Variants in CPVL observed in about 807,000 individuals in gnomAD.
The protein encoded by CPVL is carboxypeptidase vitellogenic like.
In CPVL, 51 loss-of-function variants were observed where a neutral mutation model predicts 63.7. That is an observed-to-expected ratio of 0.80 (90% CI 0.64 to 1.01). CPVL has a LOEUF of 1.01. CPVL is among the 50% of genes least tolerant of loss of function. The probability of loss-of-function intolerance (pLI) is 0.00; values close to 1 mark genes in which losing one functional copy is unlikely to be tolerated. For missense variants in CPVL, 530 were observed against 573.1 expected, an observed-to-expected ratio of 0.92 and a Z score of 0.77; for synonymous variants, 195 against 206.0, an observed-to-expected ratio of 0.95 and a Z score of 0.46.
intron 1 of CPVL, among the ~76,000 whole-genome samples, chr7:29,131,157 T>C (rs997576497): frequency 2.0e-5 from 3 of 151,540 alleles, no homozygotes; most frequent in African/African-American, 4.9e-5. Flanking sequence ...GGCAACAGAG[T>C]GAGACTCCGT....
chr7:29,048,835 C>G (rs931412068), intron 11 of CPVL, among the ~76,000 whole-genome samples: 9 of 152,070 alleles, frequency 5.9e-5, no homozygotes, highest in African/African-American at 2.2e-4. Context: ...TCTCTCAGAC[C>G]ACAGTGGGAT....
intron 12 of CPVL, among the ~76,000 whole-genome samples, chr7:29,014,983 A>G (rs185292700): frequency 6.6e-6 from 1 of 152,232 alleles, no homozygotes; most frequent in Non-Finnish European, 1.5e-5. Context: ...TCTGTGGACT[A>G]TCTGTGAAAA....
At chr7:29,002,220 A>C (rs1691234638) in intron 12 of CPVL, among the ~76,000 whole-genome samples, 1 of 152,174 alleles carries the variant, frequency 6.6e-6, no homozygotes, top group Admixed American at 6.6e-5. Flanking sequence ...AACAACAAAA[A>C]ATTGGAGTTG....
upstream of CPVL, among the ~76,000 whole-genome samples, chr7:29,150,985 GA>G (rs1246636364): frequency 6.6e-6 from 1 of 152,206 alleles, no homozygotes. Context: ...TCCAGCTGAA[GA>G]AAGTCTACAG....
chr7:29,095,811 T>A (rs1468404321), intron 4 of CPVL, among the ~76,000 whole-genome samples: 1 of 152,142 alleles, frequency 6.6e-6, no homozygotes, highest in Non-Finnish European at 1.5e-5. Context: ...CTGTCCCAAA[T>A]AGTAATAAAT....
intron 11 of CPVL, among the ~76,000 whole-genome samples, chr7:29,054,441 G>T (rs553761254): frequency 2.0e-5 from 3 of 152,142 alleles, no homozygotes; most frequent in Non-Finnish European, 4.4e-5. Context: ...GCACTTTGAA[G>T]ATATTATGCC....
At chr7:29,052,440 C>CAA (rs57693166) in intron 11 of CPVL, among the ~76,000 whole-genome samples, 1 of 118,230 alleles carries the variant, frequency 8.5e-6, no homozygotes, top group Non-Finnish European at 1.8e-5. Flanking sequence ...GATTCAGTTC[C>CAA]AAAAAAAAAA....
intron 11 of CPVL, 139 bp downstream of exon 11, chr7:29,063,922 A>G (rs1782890492): frequency 1.6e-6 from 1 of 615,872 alleles, no homozygotes; most frequent in Non-Finnish European, 2.8e-6. Context: ...GGAATCAAAC[A>G]AAGAAAGGGG....
rs1444374312 is a variant in CPVL, at chr7:29,072,090, AAC to A, written c.733-188_733-187del. Among the ~76,000 whole-genome samples, 7 of 152,200 alleles carry A rather than the reference AAC, an allele frequency of 4.6e-5. No homozygotes were observed. The East Asian group carries it at 7.7e-4, about 17-fold the overall frequency. On this transcript the variant is annotated intron_variant, in intron 8 of 12. Transcript: ENST00000265394. ...ACACAACAGAACACAACACAATACA[AAC>A]ACACACACATTTGCACTGACAGCCA...
intron 3 of CPVL, among the ~76,000 whole-genome samples, chr7:29,098,499 C>A (rs1786693238): frequency 6.6e-6 from 1 of 152,200 alleles, no homozygotes; most frequent in African/African-American, 2.4e-5. Context: ...GCCCTTCGAA[C>A]AATGCCTAAT....
chr7:29,021,270 CAT>C (rs1786943487), intron 12 of CPVL, among the ~76,000 whole-genome samples: 1 of 151,934 alleles, frequency 6.6e-6, no homozygotes, highest in South Asian at 2.1e-4. Flanking sequence ...AAAACTGACA[CAT>C]GAAGAAACAG....
rs144771012 is a variant in CPVL at position 29,137,144 on chromosome 7, A to G, written c.-11+9285T>C. Among the ~76,000 whole-genome samples, 410 of 152,244 alleles carry G rather than the reference A, an allele frequency of 2.7e-3. 1 individual carries two copies. Among genetic ancestry groups the G allele is most frequent in the Middle Eastern group, 0.017 (5 of 294 alleles). ...GGTGGCATCACTGTCTGGGGTAAATACCTGGGGTTCGCCATCTCATGCCAA... is the reference window on the plus strand; with the variant it reads ...GGTGGCATCACTGTCTGGGGTAAATGCCTGGGGTTCGCCATCTCATGCCAA... On this transcript the variant is annotated intron_variant, in intron 1 of 12. Transcript: ENST00000265394.
chr7:29,113,023 T>C, intron 2 of CPVL: 1 of 486,368 alleles, frequency 2.1e-6, no homozygotes, highest in South Asian at 3.8e-5. Context: ...GCCAAGGATA[T>C]GTGAAAGTTT....
At chr7:29,170,644 C>T (rs1796475631) in intron 5 of CPVL, among the ~76,000 whole-genome samples, 1 of 152,182 alleles carries the variant, frequency 6.6e-6, no homozygotes, top group Non-Finnish European at 1.5e-5. Context: ...TTCTGTGTGA[C>T]TTTCTGTAAT....
chr7:29,121,578 G>A (rs565687119), intron 1 of CPVL, among the ~76,000 whole-genome samples: 3 of 152,284 alleles, frequency 2.0e-5, no homozygotes, highest in Non-Finnish European at 2.9e-5. Flanking sequence ...CACCACAGAA[G>A]GGCAGAGGAT....
intron 1 of CPVL, among the ~76,000 whole-genome samples, chr7:29,131,409 T>C (rs560856010): frequency 6.6e-6 from 1 of 152,248 alleles, no homozygotes; most frequent in African/African-American, 2.4e-5. Context: ...TCTAAAAGAG[T>C]GACTACTATT....
chr7:29,157,421 GAGAAAT>G (rs1794548147), intron 5 of CPVL, among the ~76,000 whole-genome samples: 1 of 148,450 alleles, frequency 6.7e-6, no homozygotes, highest in Admixed American at 6.8e-5. Context: ...AACTTCTCTA[GAGAAAT>G]GGCGTTATCT....
At chr7:29,146,753 T>C (rs896353011), upstream of CPVL, 4 of 1,549,706 alleles carry the variant, frequency 2.6e-6, no homozygotes, top group African/African-American at 5.5e-5. Flanking sequence ...CAGGTTGGTT[T>C]GTCCCTTTGT....
intron 11 of CPVL, among the ~76,000 whole-genome samples, chr7:29,042,410 C>T (rs1050955672): frequency 6.6e-6 from 1 of 152,030 alleles, no homozygotes; most frequent in Non-Finnish European, 1.5e-5. Flanking sequence ...TGAGACCAGT[C>T]TGGGCAACAC....
Sources: allele counts gnomAD v4.1 joint callset (sites outside exome capture counted in the v4.1 genomes callset), GRCh38; gene constraint gnomAD v4.1.1; transcripts MANE v1.5; gene names NCBI Gene and HGNC (gene_info 2026-07-23, HGNC 2026-07-21).